The following CRISPLD1 variants were observed in gnomAD, a reference collection of about 807,000 sequenced individuals.
The protein encoded by CRISPLD1 is cysteine-rich secretory protein LCCL domain-containing 1.
CRISPLD1 carries 60 observed loss-of-function variants against 77.5 expected under a neutral mutation model. The observed-to-expected ratio is 0.77, with a 90% CI of 0.63 to 0.96. The LOEUF is 0.96. Among genes scored for constraint, CRISPLD1 ranks in the 40% least tolerant of loss-of-function variants. The pLI is 0.00. For missense variants in CRISPLD1, 623 were observed against 615.8 expected, an observed-to-expected ratio of 1.01 and a Z score of -0.12; for synonymous variants, 195 against 200.1, an observed-to-expected ratio of 0.97 and a Z score of 0.22.
At chr8:75,020,127 T>C (rs369956069) in intron 12 of CRISPLD1, 48 bp downstream of exon 12, 32 of 1,464,754 alleles carry the variant, frequency 2.2e-5, no homozygotes, top group Admixed American at 1.7e-4. Context: ...ATAACTGTTT[T>C]TGCCTGAAAT....
At chr8:75,029,787 T>G (rs1813301150) in intron 14 of CRISPLD1, among the ~76,000 whole-genome samples, 1 of 152,202 alleles carries the variant, frequency 6.6e-6, no homozygotes, top group Non-Finnish European at 1.5e-5. Flanking sequence ...ATTAGTCTTA[T>G]AATTAGGAAC....
chr8:75,019,813 A>G, intron 10 of CRISPLD1, 57 bp from the exon 11 acceptor site: 2 of 1,354,780 alleles, frequency 1.5e-6, no homozygotes, highest in Non-Finnish European at 2.1e-6. Flanking sequence ...ACCAGAAATG[A>G]TGCTGCTGCT....
chr8:74,985,028 A>C (rs549623045), intron 1 of CRISPLD1, 108 bp downstream of exon 1: 1 of 150,614 alleles, frequency 6.6e-6, no homozygotes, highest in African/African-American at 2.4e-5. Flanking sequence ...CCAACTGTAC[A>C]GAGTGGTTGG....
chr8:75,003,645 A>G (rs1423251415), intron 2 of CRISPLD1, among the ~76,000 whole-genome samples: 2 of 152,186 alleles, frequency 1.3e-5, no homozygotes, highest in African/African-American at 2.4e-5. Context: ...ATAGATCAAG[A>G]CTTAAAGATC....
At chr8:75,005,829 C>T (rs927424290) in intron 2 of CRISPLD1, among the ~76,000 whole-genome samples, 5 of 152,144 alleles carry the variant, frequency 3.3e-5, no homozygotes, top group African/African-American at 1.2e-4. Flanking sequence ...TTAGAGCCTC[C>T]AGCCTAGATC....
At chr8:75,030,722 GTGTCTGTGTA>G (rs1813322182) in intron 14 of CRISPLD1, among the ~76,000 whole-genome samples, 1 of 145,134 alleles carries the variant, frequency 6.9e-6, no homozygotes, top group African/African-American at 2.5e-5. Flanking sequence ...GTATGTGTGT[GTGTCTGTGTA>G]TATATGTATG....
chr8:75,017,917 C>A (rs949580632), intron 10 of CRISPLD1, among the ~76,000 whole-genome samples: 3 of 152,130 alleles, frequency 2.0e-5, no homozygotes, highest in Non-Finnish European at 4.4e-5. Context: ...TTCTTTTGTC[C>A]ATTTAAAAGT....
chr8:74,994,034 G>T (rs1237650976), intron 2 of CRISPLD1, among the ~76,000 whole-genome samples: 2 of 152,156 alleles, frequency 1.3e-5, no homozygotes, highest in Non-Finnish European at 2.9e-5. Flanking sequence ...GCCATTTGAG[G>T]CATTTCGACA....
At chr8:74,992,122 G>C (rs551760685) in intron 2 of CRISPLD1, among the ~76,000 whole-genome samples, 2 of 152,318 alleles carry the variant, frequency 1.3e-5, no homozygotes, top group African/African-American at 4.8e-5. Flanking sequence ...CTTGTTGAAT[G>C]AGGGGATGGA....
rs1030494488 is a variant in CRISPLD1, at chr8:74,984,676, C to T, written c.-307C>T. ...GGCAGACTAACGAAGCAGCTCCCTT[C>T]CCACCCCAACTGCAGGTCTAATTTT... On this transcript the variant is annotated 5_prime_UTR_variant, in exon 1 of 15. Coordinates refer to ENST00000262207, the MANE Select transcript of CRISPLD1 (RefSeq NM_031461.6). The T allele has an allele frequency of 6.6e-6, 1 of 152,480 alleles. No homozygotes were observed. The highest frequency in any genetic ancestry group is 1.5e-5 in the Non-Finnish European group (1 of 68,134). 9.4% of individuals were successfully genotyped at this position (152,480 alleles called of 1,614,324 possible).
At chr8:75,016,532 G>C (rs1813030182) in intron 6 of CRISPLD1, 33 bp from the exon 7 acceptor site, 2 of 1,580,010 alleles carry the variant, frequency 1.3e-6, no homozygotes, top group South Asian at 1.1e-5. Context: ...GTAAAATAGG[G>C]TTAATATTTC....
Position 75,012,704 on chromosome 8 carries a change from T to G in CRISPLD1, c.377+153T>G, listed in dbSNP as rs558568233. ...AAAAATAAATGCCACACCAGAACAATCAGCAGTTTTTTAGACTTTAATGTA... is the reference window on the plus strand; with the variant it reads ...AAAAATAAATGCCACACCAGAACAAGCAGCAGTTTTTTAGACTTTAATGTA... On this transcript the variant is annotated intron_variant, in intron 3 of 14. Coordinates refer to ENST00000262207, the MANE Select transcript of CRISPLD1 (RefSeq NM_031461.6). 5.3e-5 allele frequency among the ~76,000 whole-genome samples: 8 copies of G among 152,250 alleles called. No homozygotes were observed. The East Asian group carries it at 5.8e-4, about 11-fold the overall frequency.
chr8:75,031,505 T>G (rs545366556), intron 14 of CRISPLD1, among the ~76,000 whole-genome samples: 126 of 151,914 alleles, frequency 8.3e-4, no homozygotes, highest in Non-Finnish European at 1.4e-3. Context: ...AGAGTAAAAT[T>G]TATGAGTCTG....
chr8:74,998,812 A>T (rs1338252881), intron 2 of CRISPLD1, among the ~76,000 whole-genome samples: 1 of 151,272 alleles, frequency 6.6e-6, no homozygotes, highest in Non-Finnish European at 1.5e-5. Flanking sequence ...CTGATTTGCC[A>T]TTGGTCACAC....
intron 2 of CRISPLD1, among the ~76,000 whole-genome samples, chr8:75,003,506 A>AT (rs1159631900): frequency 6.6e-6 from 1 of 152,104 alleles, no homozygotes; most frequent in South Asian, 2.1e-4. Flanking sequence ...CTGTAGAGGG[A>AT]TTTTTTAATG....
rs1188809660 is a variant in CRISPLD1, at chr8:75,017,091, T to C, written c.974T>C (p.Ile325Thr). 2 of 1,612,382 alleles carry C rather than the reference T, an allele frequency of 1.2e-6. No homozygotes were observed. The highest frequency in any genetic ancestry group is 1.7e-6 in the Non-Finnish European group (2 of 1,179,040). The change falls in exon 9 of 15, where the codon ATT becomes ACT. Residue 325 changes from isoleucine (I) to threonine (T), a missense_variant. Ile to Thr is a moderately conservative substitution (Grantham distance 89). Transcript: ENST00000262207. ...TGTTTGGATAGTAAAGCTAAAGTTA[T>C]TGGCAGTGTACATTATGAAATGGTA... ...AGCLDSKAKV[I>T]GSVHYEMQSS...
In CRISPLD1 at chr8:74,984,818, A is replaced by G. The variant is rs866501300; in HGVS notation, c.-165A>G. 9 of 152,320 alleles carry G rather than the reference A, an allele frequency of 5.9e-5. No individual in the cohort carries two copies. The highest frequency in any genetic ancestry group is 1.9e-4 in the African/African-American group (8 of 41,558). The allele number at this position is 152,320 out of a possible 1,614,324, so 9.4% of individuals were successfully genotyped here. A position where few individuals can be genotyped will look rare whatever the true frequency, so the allele number is the denominator to read the frequency against. On this transcript the variant is annotated 5_prime_UTR_variant, in exon 1 of 15. Coordinates refer to ENST00000262207, the MANE Select transcript of CRISPLD1 (RefSeq NM_031461.6). ...ACGCTCGGTGCTCAGGCCCTTCGCG[A>G]GCGGGGCTCTCCGTCTGCGGTCCCT...
chr8:75,004,315 G>A (rs1037524655), intron 2 of CRISPLD1, among the ~76,000 whole-genome samples: 6 of 152,124 alleles, frequency 3.9e-5, no homozygotes, highest in Non-Finnish European at 5.9e-5. Flanking sequence ...TGGAGTAATT[G>A]AATTGTAAGG....
intron 12 of CRISPLD1, among the ~76,000 whole-genome samples, chr8:75,024,616 C>T (rs1481685260): frequency 6.6e-6 from 1 of 152,102 alleles, no homozygotes. Context: ...TGAGCCACTG[C>T]GCCTGGCTGG....
Sources: gnomAD v4.1 joint callset for allele counts (sites outside exome capture counted in the v4.1 genomes callset) on GRCh38, gnomAD v4.1.1 for gene constraint, MANE v1.5 for transcripts, NCBI Gene and HGNC (gene_info 2026-07-23, HGNC 2026-07-21) for gene names.